PPP1R8: variants seen among roughly 807,000 people sequenced by gnomAD.
PPP1R8 encodes protein phosphatase 1 regulatory subunit 8, also known as nuclear inhibitor of protein phosphatase 1.
Under a neutral mutation model 31.3 loss-of-function variants are expected in PPP1R8, and 4 were observed. The observed-to-expected ratio is 0.13, with a 90% CI of 0.06 to 0.29. The LOEUF is 0.29. Among genes scored for constraint, PPP1R8 ranks in the 10% least tolerant of loss-of-function variants. The pLI is 1.00. For missense variants in PPP1R8, 254 were observed against 440.1 expected (o/e 0.58, Z 3.78); for synonymous variants, 170 against 169.7 (o/e 1.00, Z -0.01).
chr1:27,833,575 A>T (rs910920226), intron 2 of PPP1R8, among the ~76,000 whole-genome samples: 2 of 152,180 alleles, frequency 1.3e-5, no homozygotes, highest in African/African-American at 2.4e-5. Flanking sequence ...TATAATCCTT[A>T]CGGTATTATT....
chr1:27,844,369 C>T (rs1389275509), intron 5 of PPP1R8, among the ~76,000 whole-genome samples: 1 of 152,038 alleles, frequency 6.6e-6, no homozygotes, highest in Non-Finnish European at 1.5e-5. Context: ...CGTTCTGTCA[C>T]CCAGGCTGGA....
At chr1:27,831,206 T>C in intron 1 of PPP1R8, 6 of 1,119,868 alleles carry the variant, frequency 5.4e-6, no homozygotes, top group Non-Finnish European at 6.6e-6. Context: ...CTTGACTGAG[T>C]GCCTGGTGCT....
Position 27,851,456 on chromosome 1 carries a change from C to G in PPP1R8, c.*1010C>G. On this transcript the variant is annotated 3_prime_UTR_variant, in exon 7 of 7. Transcript: ENST00000311772. ...GAGATTTGTACATTTGTGTAATAGGCCTTTTCATGCTTTATGTGTAGCTTT... is the reference window on the plus strand; with the variant it reads ...GAGATTTGTACATTTGTGTAATAGGGCTTTTCATGCTTTATGTGTAGCTTT... The G allele has an allele frequency of 2.3e-6, 1 of 439,756 alleles. No individual in the cohort carries two copies. The highest frequency in any genetic ancestry group is 4.6e-6 in the Non-Finnish European group (1 of 216,140). 27.2% of individuals were successfully genotyped at this position (439,756 alleles called of 1,614,324 possible). A position where few individuals can be genotyped will look rare whatever the true frequency, so the allele number is the denominator to read the frequency against.
chr1:27,849,419 AT>A (rs1282514752), intron 6 of PPP1R8, among the ~76,000 whole-genome samples: 6 of 151,338 alleles, frequency 4.0e-5, no homozygotes, highest in South Asian at 4.2e-4. Context: ...GACATACCAC[AT>A]TTTTTCCCCC....
At chr1:27,838,630 T>G in intron 2 of PPP1R8, 69 bp from the exon 3 acceptor site, 1 of 1,059,494 alleles carries the variant, frequency 9.4e-7, no homozygotes, top group Non-Finnish European at 1.3e-6. Flanking sequence ...AGATTCTCTA[T>G]TTGGGAGAGT....
At chr1:27,836,493 C>G (rs1284656408) in intron 2 of PPP1R8, among the ~76,000 whole-genome samples, 1 of 152,178 alleles carries the variant, frequency 6.6e-6, no homozygotes, top group Non-Finnish European at 1.5e-5. Context: ...CGGCTCACTG[C>G]AAGCTCTGCC....
At chr1:27,847,390 C>G (rs1011866626) in intron 6 of PPP1R8, among the ~76,000 whole-genome samples, 2 of 151,430 alleles carry the variant, frequency 1.3e-5, no homozygotes, top group Non-Finnish European at 2.9e-5. Flanking sequence ...CTCTGTAATC[C>G]CAGCTACTCA....
At chr1:27,837,508 G>C (rs140734805) in intron 2 of PPP1R8, among the ~76,000 whole-genome samples, 1 of 150,820 alleles carries the variant, frequency 6.6e-6, no homozygotes, top group Non-Finnish European at 1.5e-5. Context: ...CGGGCGCAGC[G>C]GTTGGCTCAT....
intron 1 of PPP1R8, among the ~76,000 whole-genome samples, chr1:27,831,829 G>T (rs997863931): frequency 2.0e-5 from 3 of 152,216 alleles, no homozygotes; most frequent in Non-Finnish European, 2.9e-5. Flanking sequence ...TGAATCTTCA[G>T]TTAGCTAGAC....
At chr1:27,842,968 A>C (rs977132673) in intron 4 of PPP1R8, among the ~76,000 whole-genome samples, 5 of 152,190 alleles carry the variant, frequency 3.3e-5, no homozygotes. Context: ...CCCACTAGTC[A>C]ATGAGGATGT....
chr1:27,845,428 G>C (rs966806459), intron 5 of PPP1R8, among the ~76,000 whole-genome samples: 3 of 151,682 alleles, frequency 2.0e-5, no homozygotes, highest in Non-Finnish European at 4.4e-5. Flanking sequence ...GTGCCCTCGA[G>C]CTTTCTTAGG....
intron 3 of PPP1R8, among the ~76,000 whole-genome samples, chr1:27,839,092 G>A (rs1329151717): frequency 1.3e-5 from 2 of 152,150 alleles, no homozygotes; most frequent in Non-Finnish European, 2.9e-5. Flanking sequence ...AGCTGGATGT[G>A]GGGGCTCACA....
chr1:27,847,545 A>G (rs2089297431), intron 6 of PPP1R8, among the ~76,000 whole-genome samples: 1 of 151,766 alleles, frequency 6.6e-6, no homozygotes. Context: ...ATCCTGGCCA[A>G]CATGTTGAAA....
intron 1 of PPP1R8, chr1:27,831,324 T>C: frequency 1.0e-6 from 1 of 993,178 alleles, no homozygotes; most frequent in Non-Finnish European, 1.2e-6. Flanking sequence ...GGTTGCTGCA[T>C]CCCTCGTGCG....
Position 27,830,860 on chromosome 1 carries a change from T to A in PPP1R8, c.25T>A (p.Ser9Thr). 1 of 1,576,008 alleles carries A rather than the reference T, an allele frequency of 6.3e-7. No homozygotes were observed. The highest frequency in any genetic ancestry group is 8.6e-7 in the Non-Finnish European group (1 of 1,161,854). ...GATGGCGGCAGCCGCGAACTCCGGC[T>A]CTAGCCTCCCGCTGTTCGACTGCCC... MAAAANSG[S>T]SLPLFDCPTW... Residue 9 changes from serine (S) to threonine (T), a missense_variant, in exon 1 of 7, where the codon TCT becomes ACT. Physicochemically the swap from Ser to Thr is moderately conservative, Grantham distance 58. Transcript: ENST00000311772.
intron 6 of PPP1R8, 139 bp from the exon 7 acceptor site, chr1:27,849,954 A>C (rs1164505198): frequency 1.4e-6 from 1 of 729,044 alleles, no homozygotes; most frequent in Non-Finnish European, 2.3e-6. Context: ...GTTGTCTGGA[A>C]AGGAGAACAG....
At chr1:27,833,391 A>G (rs1314387097) in intron 2 of PPP1R8, among the ~76,000 whole-genome samples, 1 of 152,214 alleles carries the variant, frequency 6.6e-6, no homozygotes, top group Non-Finnish European at 1.5e-5. Context: ...TCTGTCCTCA[A>G]GTCATCCAGT....
intron 1 of PPP1R8, among the ~76,000 whole-genome samples, chr1:27,831,759 T>C (rs1366574322): frequency 1.3e-5 from 2 of 152,180 alleles, no homozygotes; most frequent in Non-Finnish European, 2.9e-5. Flanking sequence ...TGGCCTTTTG[T>C]CCGGTGCATT....
chr1:27,850,196 C>A lies in PPP1R8; in HGVS notation c.806C>A (p.Pro269His), dbSNP rs760984229. The change falls in exon 7 of 7, where the codon CCC becomes CAC. Residue 269 changes from proline to histidine, a missense_variant. Physicochemically the swap from Pro to His is moderately conservative, Grantham distance 77. Around this residue, in one of 6 missense-constraint regions of PPP1R8, gnomAD observed 105 missense variants for 128.0 expected, o/e 0.82. Transcript: ENST00000311772. ...FSGGLYGGLP[P>H]THSEAGSQPH... ...GGAGGACTCTACGGGGGCCTGCCCC[C>A]CACACACAGTGAAGCAGGCTCCCAG... The A allele has an allele frequency of 3.1e-6, 5 of 1,614,072 alleles. No homozygotes were observed. The Admixed American group carries it at 8.3e-5, about 27-fold the overall frequency.
Sources: allele counts gnomAD v4.1 joint callset (sites outside exome capture counted in the v4.1 genomes callset), GRCh38; gene constraint gnomAD v4.1.1; regional missense constraint gnomAD v4.1.1; transcripts MANE v1.5; gene names NCBI Gene and HGNC (gene_info 2026-07-23, HGNC 2026-07-21).